LGALS12: variants seen among roughly 807,000 people sequenced by gnomAD.
LGALS12 encodes the protein galectin-12.
Under a neutral mutation model 36.8 loss-of-function variants are expected in LGALS12, and 36 were observed. The observed-to-expected ratio is 0.98, with a 90% CI of 0.75 to 1.29. The LOEUF is 1.29. LGALS12 is among the 50% of genes most tolerant of loss of function. The pLI, the probability that LGALS12 is intolerant of heterozygous loss-of-function variation, is 0.00. For missense variants in LGALS12, 366 were observed against 394.3 expected (o/e 0.93, Z 0.61); for synonymous variants, 145 against 155.9 (o/e 0.93, Z 0.52).
At position 63,506,541 on chromosome 11, in the gene LGALS12, C is replaced by T. The variant is rs1360424370; in HGVS notation, c.69+14C>T. ...GTCTTCCACCCGGTGAGTTGTCACT[C>T]TAATGTGGAACCTCCTCGGTCTCTG... On this transcript the variant is annotated intron_variant, in intron 1 of 8. Coordinates refer to ENST00000394618, the MANE Select transcript of LGALS12 (RefSeq NM_033101.4). 6.2e-7 allele frequency: 1 copy of T among 1,614,182 alleles called. No homozygotes were observed. The highest frequency in any genetic ancestry group is 2.2e-5 in the East Asian group (1 of 44,888).
intron 7 of LGALS12, among the ~76,000 whole-genome samples, chr11:63,512,723 AG>A (rs2016964387): frequency 6.7e-6 from 1 of 149,088 alleles, no homozygotes; most frequent in African/African-American, 2.5e-5. Context: ...CGGGAGGCAG[AG>A]GTTGCAGTGA....
At chr11:63,509,106 C>A in intron 3 of LGALS12, 115 bp downstream of exon 3, 1 of 845,154 alleles carries the variant, frequency 1.2e-6, no homozygotes, top group Non-Finnish European at 1.9e-6. Flanking sequence ...GGTCAGGTAC[C>A]AAGAGGACCA....
chr11:63,510,372 TA>T, intron 4 of LGALS12, 90 bp from the exon 5 acceptor site: 1 of 1,315,032 alleles, frequency 7.6e-7, no homozygotes, highest in Non-Finnish European at 1.1e-6. Context: ...TGAGGAGCTG[TA>T]AAGGCCAGGG....
At chr11:63,511,199 C>T in intron 6 of LGALS12, 94 bp downstream of exon 6, 2 of 1,197,070 alleles carry the variant, frequency 1.7e-6, no homozygotes, top group Admixed American at 1.7e-5. Flanking sequence ...CCCCCAGCCT[C>T]AGGATTTCCC....
chr11:63,508,749 C>T (rs570732795), intron 2 of LGALS12, 29 bp from the exon 3 acceptor site: 32 of 1,613,840 alleles, frequency 2.0e-5, no homozygotes, highest in South Asian at 1.6e-4. Flanking sequence ...TGGTCAGAAC[C>T]GCACTTTGAG....
At chr11:63,511,861 T>A in intron 7 of LGALS12, 21 bp downstream of exon 7, 1 of 1,517,594 alleles carries the variant, frequency 6.6e-7, no homozygotes. Context: ...AGCATCTAAG[T>A]GGAGGGGAGG....
At chr11:63,509,952 C>T in intron 4 of LGALS12, 55 bp downstream of exon 4, 1 of 1,583,818 alleles carries the variant, frequency 6.3e-7, no homozygotes, top group South Asian at 1.2e-5. Flanking sequence ...TTTCCCCTGA[C>T]TCCTGGACGG....
At chr11:63,515,434 C>A in intron 7 of LGALS12, 129 bp from the exon 8 acceptor site, 2 of 1,038,894 alleles carry the variant, frequency 1.9e-6, no homozygotes, top group Non-Finnish European at 2.8e-6. Flanking sequence ...GCCCTCAGTG[C>A]TTGTTTCTGG....
chr11:63,508,457 G>A, intron 1 of LGALS12, 96 bp from the exon 2 acceptor site: 4 of 1,523,838 alleles, frequency 2.6e-6, no homozygotes, highest in Non-Finnish European at 3.5e-6. Context: ...AGGAAAAGTT[G>A]AGTTTTATTC....
At position 63,516,403 on chromosome 11, in the gene LGALS12, C is replaced by T. The variant is rs2017086242; in HGVS notation, c.*10C>T. ...CTGTGTCCACTCCTGAGGATGGTTCCAGGGAAATACCGCCAGAAAACAAGA... is the reference window on the plus strand; with the variant it reads ...CTGTGTCCACTCCTGAGGATGGTTCTAGGGAAATACCGCCAGAAAACAAGA... On this transcript the variant is annotated 3_prime_UTR_variant, in exon 9 of 9. Coordinates refer to ENST00000394618, the MANE Select transcript of LGALS12 (RefSeq NM_033101.4). The T allele has an allele frequency of 6.2e-7, 1 of 1,613,782 alleles. No homozygotes were observed. The highest frequency in any genetic ancestry group is 8.5e-7 in the Non-Finnish European group (1 of 1,180,000).
chr11:63,512,325 C>T (rs2016949337), intron 7 of LGALS12, among the ~76,000 whole-genome samples: 1 of 152,242 alleles, frequency 6.6e-6, no homozygotes, highest in African/African-American at 2.4e-5. Flanking sequence ...AGACCTGTGG[C>T]TCCAATCCAG....
At chr11:63,511,307 G>A (rs924563232) in intron 6 of LGALS12, among the ~76,000 whole-genome samples, 3 of 152,156 alleles carry the variant, frequency 2.0e-5, no homozygotes, top group African/African-American at 7.2e-5. Flanking sequence ...GCAGGCTGTG[G>A]GTGGGCTGGG....
intron 8 of LGALS12, among the ~76,000 whole-genome samples, chr11:63,515,980 G>A (rs550241811): frequency 6.6e-5 from 10 of 152,248 alleles, no homozygotes; most frequent in East Asian, 3.9e-4. Flanking sequence ...TGATTCCGAC[G>A]TGCAGAACCA....
chr11:63,506,436 A>C lies in LGALS12; in HGVS notation c.-23A>C, dbSNP rs369229354. On this transcript the variant is annotated 5_prime_UTR_variant, in exon 1 of 9. Transcript: ENST00000394618. ...GGCAGGGCTCCTGGAACGAGGATCTACAGTTGGAGTTGCCCCACTGTCATG... is the reference window on the plus strand; with the variant it reads ...GGCAGGGCTCCTGGAACGAGGATCTCCAGTTGGAGTTGCCCCACTGTCATG... The C allele has an allele frequency of 2.5e-5, 41 of 1,614,086 alleles. No homozygotes were observed. Among genetic ancestry groups the C allele is most frequent in the Non-Finnish European group, 3.4e-5 (40 of 1,180,030 alleles).
At position 63,514,956 on chromosome 11, in the gene LGALS12, C is replaced by T. The variant is rs530798461; in HGVS notation, c.648-607C>T. Reference sequence around the variant, plus strand: ...ATAGGTATCATCTGAATGCTTATTACGTTCCAGGTGCTATTCTAAATAAGC... The same window carrying T: ...ATAGGTATCATCTGAATGCTTATTATGTTCCAGGTGCTATTCTAAATAAGC... On this transcript the variant is annotated intron_variant, in intron 7 of 8. Transcript: ENST00000394618. Among the ~76,000 whole-genome samples, 10 of 152,016 alleles carry T rather than the reference C, an allele frequency of 6.6e-5. No individual in the cohort carries two copies. The South Asian group carries it at 1.9e-3, about 28-fold the overall frequency.
intron 7 of LGALS12, among the ~76,000 whole-genome samples, chr11:63,513,810 G>A (rs1294130982): frequency 6.6e-6 from 1 of 152,178 alleles, no homozygotes; most frequent in African/African-American, 2.4e-5. Flanking sequence ...CAGCCTCAAA[G>A]AGCTTCAACA....
In LGALS12 at chr11:63,509,843, G is replaced by A. The variant is rs75807998; in HGVS notation, c.438G>A (p.Thr146=). The A allele has an allele frequency of 4.0e-5, 65 of 1,613,936 alleles. No homozygotes were observed. The highest frequency in any genetic ancestry group is 7.7e-5 in the South Asian group (7 of 91,088). ...GGCTCCCACTGTCTCATGTGGACAC[G>A]CTGGGTATATTTGGTGACATCCTGG... ...RYRLPLSHVD[T]LGIFGDILVE... is the part of the protein sequence containing the mutation. Residue 146 remains threonine (T), a synonymous_variant, in exon 4 of 9, where the codon ACG becomes ACA. Coordinates refer to ENST00000394618, the MANE Select transcript of LGALS12 (RefSeq NM_033101.4).
rs1277875241 is a variant in LGALS12, at chr11:63,508,653, G to T, written c.158+12G>T. Reference sequence around the variant, plus strand: ...CTAGATGCACACAGGTAAGGCGGGGGAGGTGGCCCAGGGGGTGCTGGAGCT... The same window carrying T: ...CTAGATGCACACAGGTAAGGCGGGGTAGGTGGCCCAGGGGGTGCTGGAGCT... On this transcript the variant is annotated intron_variant, in intron 2 of 8. Coordinates refer to ENST00000394618, the MANE Select transcript of LGALS12 (RefSeq NM_033101.4). The T allele has an allele frequency of 6.2e-7, 1 of 1,614,066 alleles. No homozygotes were observed. Among genetic ancestry groups the T allele is most frequent in the South Asian group, 1.1e-5 (1 of 91,086 alleles).
chr11:63,509,740 T>A (rs2120367286), intron 3 of LGALS12, 38 bp from the exon 4 acceptor site: 1 of 1,610,480 alleles, frequency 6.2e-7, no homozygotes, highest in Non-Finnish European at 8.5e-7. Context: ...TCAATGAACA[T>A]TAGCTGCTGA....
Sources: gnomAD v4.1 joint callset for allele counts (sites outside exome capture counted in the v4.1 genomes callset) on GRCh38, gnomAD v4.1.1 for gene constraint, MANE v1.5 for transcripts, NCBI Gene and HGNC (gene_info 2026-07-23, HGNC 2026-07-21) for gene names.